Variants in UGT1A8 observed in about 807,000 individuals in gnomAD.
UGT1A8 encodes the protein UDP-glucuronosyltransferase 1A8.
Under a neutral mutation model 45.3 loss-of-function variants are expected in UGT1A8, and 39 were observed. The observed-to-expected ratio is 0.86, with a 90% CI of 0.67 to 1.12. The LOEUF (loss-of-function observed/expected upper bound fraction) is 1.12, where lower values mean the gene tolerates loss of function less well. UGT1A8 is among the 50% of genes most tolerant of loss of function. UGT1A8 has a pLI of 0.00. For synonymous variants in UGT1A8, 275 were observed against 249.2 expected (o/e 1.10, Z -0.97); for missense variants, 719 against 664.9 (o/e 1.08, Z -0.90).
chr2:233,686,250 T>G (rs1345556884), intron 1 of UGT1A8, among the ~76,000 whole-genome samples: 1 of 125,722 alleles, frequency 8.0e-6, no homozygotes, highest in Admixed American at 7.5e-5. Flanking sequence ...GTTTCTGAGA[T>G]TTTTTTTTTT....
At chr2:233,690,786 C>T (rs999720926) in intron 1 of UGT1A8, 1 of 1,139,282 alleles carries the variant, frequency 8.8e-7, no homozygotes, top group Non-Finnish European at 1.1e-6. Context: ...TACACACACA[C>T]ACACACACAC....
intron 1 of UGT1A8, chr2:233,722,101 G>A: frequency 1.0e-5 from 2 of 200,878 alleles, no homozygotes; most frequent in Non-Finnish European, 1.0e-5. Context: ...AGGCCTCTTA[G>A]AGGAAGAGCT....
At chr2:233,635,979 G>A (rs1393168744) in intron 1 of UGT1A8, among the ~76,000 whole-genome samples, 1 of 150,842 alleles carries the variant, frequency 6.6e-6, no homozygotes, top group African/African-American at 2.5e-5. Flanking sequence ...GTTTGGATAT[G>A]GAAGAAGACA....
At chr2:233,666,129 T>C (rs2074071381) in intron 1 of UGT1A8, among the ~76,000 whole-genome samples, 1 of 152,156 alleles carries the variant, frequency 6.6e-6, no homozygotes, top group Non-Finnish European at 1.5e-5. Flanking sequence ...AGGGTGCTGA[T>C]CACATGGCTA....
chr2:233,743,956 G>T (rs184316279), intron 1 of UGT1A8: 2 of 1,338,248 alleles, frequency 1.5e-6, no homozygotes, highest in Non-Finnish European at 9.9e-7. Flanking sequence ...CTGGCACAGC[G>T]AGCGGCAAGG....
chr2:233,768,590 T>G (rs1322508849), intron 4 of UGT1A8, 151 bp downstream of exon 4: 2 of 1,068,204 alleles, frequency 1.9e-6, no homozygotes, highest in Non-Finnish European at 2.4e-6. Flanking sequence ...TTCTTTTTTT[T>G]TTTTTTTTTT....
chr2:233,657,363 C>A (rs1237080473), intron 1 of UGT1A8, among the ~76,000 whole-genome samples: 1 of 152,196 alleles, frequency 6.6e-6, no homozygotes. Context: ...ATGGTACCAA[C>A]ATCTGTTTCT....
chr2:233,641,477 TGTTTA>T (rs1215737646), intron 1 of UGT1A8, among the ~76,000 whole-genome samples: 1 of 152,228 alleles, frequency 6.6e-6, no homozygotes, highest in Non-Finnish European at 1.5e-5. Context: ...CTTAAAAAGT[TGTTTA>T]GTTATTATTT....
intron 1 of UGT1A8, among the ~76,000 whole-genome samples, chr2:233,667,886 G>C (rs1344182149): frequency 6.6e-6 from 1 of 152,150 alleles, no homozygotes; most frequent in Non-Finnish European, 1.5e-5. Flanking sequence ...GAAACAACAG[G>C]TGCTGTAGAG....
At chr2:233,736,503 C>T (rs924355972) in intron 1 of UGT1A8, among the ~76,000 whole-genome samples, 2 of 152,196 alleles carry the variant, frequency 1.3e-5, no homozygotes, top group African/African-American at 2.4e-5. Context: ...CTTCTGAAGC[C>T]TACTTCTGTC....
chr2:233,747,333 C>T, intron 1 of UGT1A8: 1 of 1,603,778 alleles, frequency 6.2e-7, no homozygotes, highest in South Asian at 1.1e-5. Flanking sequence ...ATGGCAGCCA[C>T]TGGCTCGCAT....
intron 1 of UGT1A8, among the ~76,000 whole-genome samples, chr2:233,626,878 A>C (rs1044954917): frequency 6.6e-6 from 1 of 152,142 alleles, no homozygotes; most frequent in South Asian, 2.1e-4. Flanking sequence ...TTTAAAAGAC[A>C]GTCCCTTACT....
At chr2:233,685,526 A>T (rs1365100073) in intron 1 of UGT1A8, among the ~76,000 whole-genome samples, 1 of 152,126 alleles carries the variant, frequency 6.6e-6, no homozygotes, top group African/African-American at 2.4e-5. Context: ...TGCTTTCCCC[A>T]TTGCTCTCGC....
Position 233,618,239 on chromosome 2 carries a change from G to A in UGT1A8, c.532G>A (p.Glu178Lys). Residue 178 changes from glutamate (E) to lysine (K), a missense_variant, in exon 1 of 5, where the codon GAA becomes AAA. Glu to Lys is a moderately conservative substitution (Grantham distance 56). Coordinates refer to ENST00000373450, the MANE Select transcript of UGT1A8 (RefSeq NM_019076.5). ...FARGIACHYL[E>K]EGAQCPAPLS... ...CAGGGGAATAGCTTGCCACTATCTTGAAGAAGGTGCACAGTGCCCTGCTCC... is the reference window on the plus strand; with the variant it reads ...CAGGGGAATAGCTTGCCACTATCTTAAAGAAGGTGCACAGTGCCCTGCTCC... 6.2e-7 allele frequency: 1 copy of A among 1,613,900 alleles called. No homozygotes were observed. The highest frequency in any genetic ancestry group is 8.5e-7 in the Non-Finnish European group (1 of 1,179,872).
At chr2:233,761,167 G>A in intron 1 of UGT1A8, 1 of 1,614,098 alleles carries the variant, frequency 6.2e-7, no homozygotes. Context: ...TATTGGAGTG[G>A]GACTTTTACA....
chr2:233,637,824 ATTC>A (rs1409286118), intron 1 of UGT1A8, among the ~76,000 whole-genome samples: 1 of 152,180 alleles, frequency 6.6e-6, no homozygotes, highest in African/African-American at 2.4e-5. Context: ...GGCTGAACAT[ATTC>A]TTCTTTATCT....
At chr2:233,734,022 G>T (rs1181978921) in intron 1 of UGT1A8, among the ~76,000 whole-genome samples, 1 of 151,928 alleles carries the variant, frequency 6.6e-6, no homozygotes, top group Non-Finnish European at 1.5e-5. Context: ...CGAGTTAATG[G>T]GTGCAGCACA....
intron 1 of UGT1A8, among the ~76,000 whole-genome samples, chr2:233,748,713 G>T: frequency 6.6e-6 from 1 of 151,600 alleles, no homozygotes; most frequent in East Asian, 1.9e-4. Flanking sequence ...TTTGGGGTCT[G>T]GTGCATGATG....
At position 233,618,302 on chromosome 2, in the gene UGT1A8, G is replaced by A; in HGVS notation, c.595G>A (p.Asp199Asn). The change falls in exon 1 of 5, where the codon GAT becomes AAT. Residue 199 changes from aspartate (D) to asparagine (N), a missense_variant. By Grantham distance (23) the Asp-to-Asn change is conservative. Transcript: ENST00000373450. ...CCCCAGAATTCTCTTAGGGTTCTCA[G>A]ATGCCATGACTTTCAAGGAGAGAGT... is the stretch of plus-strand genomic sequence containing the variant. Reference protein sequence around the residue: ...YVPRILLGFSDAMTFKERVRN... With the variant: ...YVPRILLGFSNAMTFKERVRN... 3 of 1,613,908 alleles carry A rather than the reference G, an allele frequency of 1.9e-6. No individual in the cohort carries two copies. The East Asian group carries it at 6.7e-5, about 36-fold the overall frequency.
Sources: allele counts gnomAD v4.1 joint callset (sites outside exome capture counted in the v4.1 genomes callset), GRCh38; gene constraint gnomAD v4.1.1; transcripts MANE v1.5; gene names NCBI Gene and HGNC (gene_info 2026-07-23, HGNC 2026-07-21).